SPMIP2: variants seen among roughly 807,000 people sequenced by gnomAD.
The protein encoded by SPMIP2 is sperm microtubule inner protein 2.
At chr4:159,046,877 A>C in the SPMIP2 span, among the ~76,000 whole-genome samples, 1 of 152,228 alleles carries the variant, frequency 6.6e-6, no homozygotes, top group Non-Finnish European at 1.5e-5. Flanking sequence ...CCAGCCCTTC[A>C]GCTGTTTATA....
the SPMIP2 span, among the ~76,000 whole-genome samples, chr4:158,972,738 C>T: frequency 6.6e-6 from 1 of 152,250 alleles, no homozygotes; most frequent in Non-Finnish European, 1.5e-5. Flanking sequence ...GCACAGGCTT[C>T]TTTCTTTCCA....
At chr4:158,986,935 GA>G in the SPMIP2 span, among the ~76,000 whole-genome samples, 1 of 139,184 alleles carries the variant, frequency 7.2e-6, no homozygotes, top group South Asian at 2.5e-4. Flanking sequence ...AAATTTACAA[GA>G]AAAAAACAAA....
At chr4:159,007,605 ATTT>A in the SPMIP2 span, 1 of 1,066,062 alleles carries the variant, frequency 9.4e-7, no homozygotes, top group African/African-American at 1.6e-5. Flanking sequence ...CCAGACAACC[ATTT>A]CCAAGTACTT....
At chr4:158,917,829 T>C in the SPMIP2 span, among the ~76,000 whole-genome samples, 1 of 147,748 alleles carries the variant, frequency 6.8e-6, no homozygotes, top group East Asian at 2.0e-4. Flanking sequence ...CCAAGCAATT[T>C]ACCTGCCTCA....
At chr4:159,040,271 A>C in the SPMIP2 span, among the ~76,000 whole-genome samples, 1 of 151,852 alleles carries the variant, frequency 6.6e-6, no homozygotes, top group South Asian at 2.1e-4. Flanking sequence ...TCCCAGGTTC[A>C]AGCAATTCTC....
At chr4:158,974,458 T>C in the SPMIP2 span, among the ~76,000 whole-genome samples, 3 of 152,170 alleles carry the variant, frequency 2.0e-5, no homozygotes, top group East Asian at 1.9e-4. Context: ...TCCATCCCCT[T>C]GCCCCCCACC....
the SPMIP2 span, among the ~76,000 whole-genome samples, chr4:158,918,114 G>A: frequency 3.9e-5 from 6 of 152,164 alleles, no homozygotes; most frequent in African/African-American, 7.2e-5. Flanking sequence ...GGCCCGGAGT[G>A]TATCTCATTC....
chr4:158,986,465 C>G, the SPMIP2 span, among the ~76,000 whole-genome samples: 1 of 152,082 alleles, frequency 6.6e-6, no homozygotes, highest in Non-Finnish European at 1.5e-5. Flanking sequence ...GAACAAAGCC[C>G]TCAGAAATAA....
the SPMIP2 span, among the ~76,000 whole-genome samples, chr4:158,989,643 T>C: frequency 6.6e-6 from 1 of 152,318 alleles, no homozygotes; most frequent in South Asian, 2.1e-4. Flanking sequence ...GGATTCCCTA[T>C]TTAATAAATG....
At chr4:158,958,709 G>A in the SPMIP2 span, among the ~76,000 whole-genome samples, 1 of 152,146 alleles carries the variant, frequency 6.6e-6, no homozygotes, top group East Asian at 1.9e-4. Context: ...AAGGGGTGGG[G>A]CACACCTGAA....
chr4:159,075,053 G>C, the SPMIP2 span, among the ~76,000 whole-genome samples: 1 of 152,108 alleles, frequency 6.6e-6, no homozygotes, highest in African/African-American at 2.4e-5. Flanking sequence ...AACTCTTGCT[G>C]TCCTTCTCTC....
At chr4:159,067,649 A>T in the SPMIP2 span, among the ~76,000 whole-genome samples, 2 of 152,258 alleles carry the variant, frequency 1.3e-5, no homozygotes, top group East Asian at 1.9e-4. Context: ...AAAAGCCAAA[A>T]TTGACAAATG....
chr4:159,000,500 T>TTC, the SPMIP2 span, among the ~76,000 whole-genome samples: 1 of 150,284 alleles, frequency 6.7e-6, no homozygotes. Context: ...TCTTCTTTTT[T>TTC]TTTTTTTTTT....
At chr4:158,960,367 GT>G in the SPMIP2 span, 17 of 1,417,548 alleles carry the variant, frequency 1.2e-5, no homozygotes, top group East Asian at 3.9e-4. Context: ...GAAAATTAAT[GT>G]ACCATAATTC....
At chr4:159,078,212 C>T in the SPMIP2 span, among the ~76,000 whole-genome samples, 5 of 152,144 alleles carry the variant, frequency 3.3e-5, no homozygotes, top group Non-Finnish European at 7.4e-5. Context: ...ATGTATTTTA[C>T]GTCATGATTC....
At chr4:158,946,891 T>C in the SPMIP2 span, among the ~76,000 whole-genome samples, 1 of 152,348 alleles carries the variant, frequency 6.6e-6, no homozygotes. Context: ...GCACAGTGCC[T>C]GGTACATAGT....
chr4:159,049,645 G>T, the SPMIP2 span, among the ~76,000 whole-genome samples: 1 of 152,094 alleles, frequency 6.6e-6, no homozygotes, highest in Non-Finnish European at 1.5e-5. Context: ...ACAATCACTT[G>T]TTTGATTTCA....
chr4:159,038,669 G>A, the SPMIP2 span: 4 of 152,618 alleles, frequency 2.6e-5, no homozygotes, highest in South Asian at 6.2e-4. Flanking sequence ...GAAGCTGAGG[G>A]CTGATGATGT....
chr4:158,945,229 T>A, the SPMIP2 span, among the ~76,000 whole-genome samples: 7 of 152,142 alleles, frequency 4.6e-5, no homozygotes, highest in Non-Finnish European at 5.9e-5. Flanking sequence ...AACTTCACTT[T>A]TCAGATTCCT....
Sources: gnomAD v4.1 joint callset for allele counts (sites outside exome capture counted in the v4.1 genomes callset) on GRCh38, gnomAD v4.1.1 for gene constraint, MANE v1.5 for transcripts, NCBI Gene and HGNC (gene_info 2026-07-23, HGNC 2026-07-21) for gene names.